MRTFB: variants seen among roughly 807,000 people sequenced by gnomAD.
MRTFB encodes myocardin-related transcription factor B.
A neutral mutation model predicts 104.2 loss-of-function variants in MRTFB; 29 were observed. That is an observed-to-expected ratio of 0.28 (90% CI 0.21 to 0.38). The LOEUF (loss-of-function observed/expected upper bound fraction) is 0.38. MRTFB is among the 10% of genes least tolerant of loss of function. The pLI is 1.00. For missense variants in MRTFB, 1,270 were observed against 1,341.6 expected, an observed-to-expected ratio of 0.95 and a Z score of 0.83; for synonymous variants, 535 against 519.5, an observed-to-expected ratio of 1.03 and a Z score of -0.41.
chr16:14,212,553 T>C, intron 5 of MRTFB, 144 bp downstream of exon 5: 1 of 743,872 alleles, frequency 1.3e-6, no homozygotes, highest in Admixed American at 2.7e-5. Context: ...GCATAGAGAA[T>C]ATTTACTCTG....
the MRTFB span, among the ~76,000 whole-genome samples, chr16:14,057,443 T>G: frequency 3.9e-5 from 6 of 152,130 alleles, no homozygotes. Flanking sequence ...GTTGTTCCCT[T>G]TCCTTTTCTT....
the MRTFB span, among the ~76,000 whole-genome samples, chr16:14,035,800 T>C: frequency 6.6e-6 from 1 of 152,014 alleles, no homozygotes; most frequent in Non-Finnish European, 1.5e-5. Context: ...TTAGTGGTGA[T>C]TTGTGAGATT....
intron 8 of MRTFB, among the ~76,000 whole-genome samples, chr16:14,221,778 CTTTTTTTTTTTTT>C (rs34467645): frequency 2.8e-5 from 2 of 70,826 alleles, no homozygotes; most frequent in East Asian, 6.8e-4. Flanking sequence ...TATTTCTTTC[CTTTTTTTTTTTTT>C]TTTTTTTTGA....
intron 3 of MRTFB, among the ~76,000 whole-genome samples, chr16:14,199,659 T>C (rs1019319705): frequency 3.9e-5 from 6 of 152,204 alleles, no homozygotes; most frequent in African/African-American, 1.4e-4. Context: ...TCTAAATGTA[T>C]CTCAAATCTA....
intron 3 of MRTFB, among the ~76,000 whole-genome samples, chr16:14,165,260 C>T (rs1469124796): frequency 2.6e-5 from 4 of 152,146 alleles, no homozygotes; most frequent in Non-Finnish European, 4.4e-5. Flanking sequence ...TGAGATGTGA[C>T]TTCTGATTTG....
At chr16:14,189,632 T>G (rs939115395) in intron 3 of MRTFB, among the ~76,000 whole-genome samples, 2 of 152,236 alleles carry the variant, frequency 1.3e-5, no homozygotes, top group Non-Finnish European at 2.9e-5. Flanking sequence ...TACTCATTTT[T>G]GGAAAACTTG....
At chr16:14,019,165 G>A in the MRTFB span, 2 of 152,226 alleles carry the variant, frequency 1.3e-5, no homozygotes, top group Admixed American at 1.3e-4. Flanking sequence ...TTTTGCTAGT[G>A]GGTCGCTAGG....
the MRTFB span, among the ~76,000 whole-genome samples, chr16:14,043,444 C>T: frequency 6.6e-6 from 1 of 151,922 alleles, no homozygotes; most frequent in Non-Finnish European, 1.5e-5. Context: ...GTGCTGTGGT[C>T]CTGTGTCTGG....
At chr16:14,194,107 G>C (rs753952663) in intron 3 of MRTFB, among the ~76,000 whole-genome samples, 1 of 152,214 alleles carries the variant, frequency 6.6e-6, no homozygotes, top group Non-Finnish European at 1.5e-5. Flanking sequence ...CCTAAAGATA[G>C]CTTTATCAGG....
the MRTFB span, among the ~76,000 whole-genome samples, chr16:14,039,631 T>A: frequency 6.6e-6 from 1 of 152,198 alleles, no homozygotes; most frequent in South Asian, 2.1e-4. Flanking sequence ...GATATACAAA[T>A]TATATTTGTA....
rs535572254 is a variant in MRTFB at position 14,128,013 on chromosome 16, C to T, written c.-63-12531C>T. 3.5e-5 allele frequency among the ~76,000 whole-genome samples: 5 copies of T among 143,140 alleles called. No homozygotes were observed. In the South Asian group the frequency reaches 1.1e-3, roughly 32 times the overall value. 93.9% of individuals were successfully genotyped at this position (143,140 alleles called of 152,430 possible). The stretch of plus-strand genomic sequence containing the variant: ...GCCAAGTCCAGGTCCATTCTGTCTG[C>T]ATGCAGTAAGTTTATTACTGTGACT... On this transcript the variant is annotated intron_variant, in intron 2 of 16. Transcript: ENST00000571589.
At chr16:14,069,871 G>T (rs2033589291), upstream of MRTFB, among the ~76,000 whole-genome samples, 1 of 152,210 alleles carries the variant, frequency 6.6e-6, no homozygotes, top group African/African-American at 2.4e-5. Flanking sequence ...TAAATAGACA[G>T]CACCTGGAGC....
the MRTFB span, among the ~76,000 whole-genome samples, chr16:14,043,707 G>A: frequency 2.0e-5 from 3 of 152,150 alleles, no homozygotes; most frequent in African/African-American, 7.2e-5. Context: ...AGCTCCTGAG[G>A]TTATTGAAGG....
upstream of MRTFB, chr16:14,071,294 A>C (rs2033665150): frequency 6.4e-6 from 1 of 155,266 alleles, no homozygotes; most frequent in Non-Finnish European, 1.4e-5. Flanking sequence ...GAGGAGGGGG[A>C]GTGCCGAGGG....
At chr16:14,116,968 T>C (rs960170675) in intron 2 of MRTFB, among the ~76,000 whole-genome samples, 4 of 152,056 alleles carry the variant, frequency 2.6e-5, no homozygotes, top group Non-Finnish European at 4.4e-5. Context: ...AGGAGGGTAC[T>C]TGGCAAGGAA....
intron 2 of MRTFB, among the ~76,000 whole-genome samples, chr16:14,082,174 T>C (rs2034450969): frequency 6.6e-6 from 1 of 152,230 alleles, no homozygotes; most frequent in African/African-American, 2.4e-5. Flanking sequence ...TGTTTTCACA[T>C]CTTACGTTTA....
At chr16:14,116,834 G>T (rs1183631841) in intron 2 of MRTFB, among the ~76,000 whole-genome samples, 1 of 152,024 alleles carries the variant, frequency 6.6e-6, no homozygotes, top group African/African-American at 2.4e-5. Context: ...GTCACCCCTG[G>T]TTGAGATCTA....
chr16:14,023,675 G>GTGTA, the MRTFB span, among the ~76,000 whole-genome samples: 1,828 of 145,092 alleles, frequency 0.013, 17 homozygotes, highest in African/African-American at 0.015. Context: ...GTGTGTGTGT[G>GTGTA]TCTATATATA....
In MRTFB at chr16:14,161,111, T is replaced by G. The variant is rs12918747; in HGVS notation, c.154+20351T>G. On this transcript the variant is annotated intron_variant, in intron 3 of 16. Coordinates refer to ENST00000571589, the MANE Select transcript of MRTFB (RefSeq NM_001308142.2). ...TTTTTTTTTTTTTTTTTTTTTTTTT[T>G]GTAATCGTGAGTTCAGGCCATGATT... Among the ~76,000 whole-genome samples, 32 of 142,796 alleles carry G rather than the reference T, an allele frequency of 2.2e-4. No individual in the cohort carries two copies. In the East Asian group the frequency reaches 3.0e-3, roughly 13 times the overall value. 93.7% of individuals were successfully genotyped at this position (142,796 alleles called of 152,430 possible). A position where few individuals can be genotyped will look rare whatever the true frequency, so the allele number is the denominator to read the frequency against.
Sources: allele counts gnomAD v4.1 joint callset (sites outside exome capture counted in the v4.1 genomes callset), GRCh38; gene constraint gnomAD v4.1.1; transcripts MANE v1.5; gene names NCBI Gene and HGNC (gene_info 2026-07-23, HGNC 2026-07-21).